RBMS1: variants seen among roughly 807,000 people sequenced by gnomAD.
RBMS1 encodes RNA-binding motif, single-stranded-interacting protein 1.
Under a neutral mutation model 62.3 loss-of-function variants are expected in RBMS1, and 17 were observed. The observed-to-expected ratio is 0.27, with a 90% confidence interval of 0.19 to 0.41. The LOEUF (loss-of-function observed/expected upper bound fraction) is 0.41. Among genes scored for constraint, RBMS1 ranks in the 10% least tolerant of loss-of-function variants. The pLI, the probability that RBMS1 is intolerant of heterozygous loss-of-function variation, is 1.00. For missense variants in RBMS1, 334 were observed against 504.5 expected (o/e 0.66, Z 3.24); for synonymous variants, 172 against 170.0 (o/e 1.01, Z -0.09).
At chr2:160,370,782 C>G (rs1693682895) in intron 1 of RBMS1, among the ~76,000 whole-genome samples, 1 of 152,134 alleles carries the variant, frequency 6.6e-6, no homozygotes, top group African/African-American at 2.4e-5. Context: ...GACTAATTAC[C>G]AAATTCCAGC....
At chr2:160,389,120 G>A (rs1028625665) in intron 1 of RBMS1, among the ~76,000 whole-genome samples, 48 of 152,294 alleles carry the variant, frequency 3.2e-4, no homozygotes, top group African/African-American at 1.1e-3. Context: ...ACAGAGCACT[G>A]TCACACACTG....
intron 1 of RBMS1, among the ~76,000 whole-genome samples, chr2:160,394,137 A>T (rs929138901): frequency 6.6e-6 from 1 of 152,238 alleles, no homozygotes. Context: ...TATGCAACTA[A>T]GAACCTTAAT....
At chr2:160,336,010 T>C (rs1377984694) in intron 2 of RBMS1, among the ~76,000 whole-genome samples, 2 of 152,204 alleles carry the variant, frequency 1.3e-5, no homozygotes, top group African/African-American at 4.8e-5. Context: ...TTTCTCCTGT[T>C]ATTTTACACT....
chr2:160,294,268 A>G (rs147402251), intron 6 of RBMS1, among the ~76,000 whole-genome samples: 2 of 152,380 alleles, frequency 1.3e-5, no homozygotes, highest in African/African-American at 4.8e-5. Context: ...TTTAAAATAT[A>G]GTGACATCAG....
intron 1 of RBMS1, 174 bp downstream of exon 1, chr2:160,493,115 G>A (rs1685921693): frequency 6.8e-6 from 4 of 586,914 alleles, no homozygotes; most frequent in Admixed American, 6.8e-5. Context: ...CAGGGAAGCC[G>A]CCGCCCCGCG....
At chr2:160,368,462 C>A (rs1288893559) in intron 1 of RBMS1, among the ~76,000 whole-genome samples, 1 of 152,080 alleles carries the variant, frequency 6.6e-6, no homozygotes, top group Admixed American at 6.5e-5. Flanking sequence ...CTATAGGAGA[C>A]AAATCAAATC....
chr2:160,369,021 G>T (rs1264516180), intron 1 of RBMS1, among the ~76,000 whole-genome samples: 1 of 152,120 alleles, frequency 6.6e-6, no homozygotes, highest in Non-Finnish European at 1.5e-5. Context: ...TCCTTGCTGA[G>T]ATATCATCTG....
intron 1 of RBMS1, among the ~76,000 whole-genome samples, chr2:160,413,125 T>C (rs1301320455): frequency 6.6e-6 from 1 of 152,226 alleles, no homozygotes; most frequent in Non-Finnish European, 1.5e-5. Flanking sequence ...TGTTGAACCA[T>C]TTCAGGCACC....
intron 1 of RBMS1, among the ~76,000 whole-genome samples, chr2:160,381,439 C>CG (rs1682549212): frequency 6.6e-6 from 1 of 152,194 alleles, no homozygotes; most frequent in Non-Finnish European, 1.5e-5. Flanking sequence ...CTAAGTGTTA[C>CG]GCATAATACT....
chr2:160,434,616 C>T (rs1387261765), intron 1 of RBMS1, among the ~76,000 whole-genome samples: 3 of 152,180 alleles, frequency 2.0e-5, no homozygotes, highest in African/African-American at 4.8e-5. Context: ...CCACATGCAG[C>T]TAATGGGCAC....
intron 1 of RBMS1, among the ~76,000 whole-genome samples, chr2:160,406,250 AT>A (rs1695698806): frequency 6.6e-6 from 1 of 152,240 alleles, no homozygotes; most frequent in Non-Finnish European, 1.5e-5. Context: ...GGCAGAAAAC[AT>A]TTCTTTTCGA....
chr2:160,474,434 T>C (rs1053167472), intron 1 of RBMS1, among the ~76,000 whole-genome samples: 11 of 152,202 alleles, frequency 7.2e-5, no homozygotes, highest in Non-Finnish European at 1.3e-4. Flanking sequence ...TTTACTGATA[T>C]GACTGCAAGA....
intron 1 of RBMS1, among the ~76,000 whole-genome samples, chr2:160,439,313 G>A (rs1255461482): frequency 6.6e-6 from 1 of 150,592 alleles, no homozygotes; most frequent in Admixed American, 6.6e-5. Context: ...CGGCTGCCGG[G>A]CGGAAGGGCT....
intron 1 of RBMS1, 159 bp from the exon 2 acceptor site, chr2:160,367,550 AAAGCC>A: frequency 7.7e-7 from 1 of 1,295,052 alleles, no homozygotes; most frequent in Non-Finnish European, 1.0e-6. Flanking sequence ...CTACTTTAAA[AAAGCC>A]CTCTCCTTCA....
intron 1 of RBMS1, among the ~76,000 whole-genome samples, chr2:160,404,577 A>C (rs1559510859): frequency 6.6e-6 from 1 of 152,258 alleles, no homozygotes; most frequent in Non-Finnish European, 1.5e-5. Flanking sequence ...GAAGATGTAC[A>C]TAGGTTATAT....
intron 1 of RBMS1, among the ~76,000 whole-genome samples, chr2:160,467,019 T>C (rs1262817482): frequency 6.6e-6 from 1 of 152,150 alleles, no homozygotes; most frequent in African/African-American, 2.4e-5. Context: ...AATTGTCTTC[T>C]CCTTGTCTCT....
At chr2:160,330,280 T>G (rs1274518847) in intron 2 of RBMS1, among the ~76,000 whole-genome samples, 2 of 152,198 alleles carry the variant, frequency 1.3e-5, no homozygotes, top group African/African-American at 4.8e-5. Context: ...AACTGTTGGT[T>G]AGCGGTCATG....
intron 1 of RBMS1, among the ~76,000 whole-genome samples, chr2:160,383,442 T>C (rs1694387114): frequency 1.4e-5 from 1 of 71,960 alleles, no homozygotes; most frequent in Admixed American, 1.7e-4. Context: ...GGGTTCTGGT[T>C]AGACATGAAT....
At chr2:160,407,223 C>T (rs960732679) in intron 1 of RBMS1, among the ~76,000 whole-genome samples, 1 of 152,074 alleles carries the variant, frequency 6.6e-6, no homozygotes, top group Non-Finnish European at 1.5e-5. Context: ...CTGCCCTCGC[C>T]GGCTCTCCGC....
Sources: gnomAD v4.1 joint callset for allele counts (sites outside exome capture counted in the v4.1 genomes callset) on GRCh38, gnomAD v4.1.1 for gene constraint, MANE v1.5 for transcripts, NCBI Gene and HGNC (gene_info 2026-07-23, HGNC 2026-07-21) for gene names.